KCNMA1: variants seen among roughly 807,000 people sequenced by gnomAD.
KCNMA1 encodes the protein Calcium-activated potassium channel subunit alpha-1.
KCNMA1 carries 29 observed loss-of-function variants against 140.0 expected under a neutral mutation model. That is an observed-to-expected ratio of 0.21 (90% confidence interval 0.15 to 0.28). KCNMA1 has a LOEUF of 0.28. Among genes scored for constraint, KCNMA1 ranks in the 10% least tolerant of loss-of-function variants. The probability of loss-of-function intolerance (pLI) is 1.00; values close to 1 mark genes in which losing one functional copy is unlikely to be tolerated. For missense variants in KCNMA1, 880 were observed against 1,602.2 expected (o/e 0.55, Z 7.70); for synonymous variants, 612 against 611.9 (o/e 1.00, Z 0.00).
chr10:77,494,588 C>G lies in KCNMA1; in HGVS notation c.379-90565G>C, dbSNP rs143172126. Among the ~76,000 whole-genome samples, 35 of 152,324 alleles carry G rather than the reference C, an allele frequency of 2.3e-4. 2 individuals are homozygous for G. The East Asian group carries it at 6.6e-3, about 29-fold the overall frequency. ...ACCTTTCACCACCCAGATGGGGAGG[C>G]CTTGCCAACCCTGAGCCCCTCAGGG... On this transcript the variant is annotated intron_variant, in intron 1 of 27. Transcript: ENST00000286628.
chr10:77,542,477 C>A (rs1274373653), intron 1 of KCNMA1, among the ~76,000 whole-genome samples: 2 of 152,194 alleles, frequency 1.3e-5, no homozygotes, highest in African/African-American at 4.8e-5. Context: ...CCAGACTTGG[C>A]TGATTGTTAG....
intron 14 of KCNMA1, among the ~76,000 whole-genome samples, chr10:77,067,557 T>C (rs1187619453): frequency 1.3e-5 from 2 of 152,204 alleles, no homozygotes; most frequent in Non-Finnish European, 2.9e-5. Context: ...AACCCTAATA[T>C]ACTTACTTTG....
chr10:77,001,646 A>G (rs1411844750), intron 18 of KCNMA1, 66 bp from the exon 19 acceptor site: 6 of 1,355,918 alleles, frequency 4.4e-6, no homozygotes, highest in African/African-American at 1.4e-5. Context: ...CACACACAGC[A>G]AGGCAGCTGG....
intron 16 of KCNMA1, chr10:77,019,543 T>C: frequency 4.9e-6 from 1 of 205,840 alleles, no homozygotes; most frequent in Non-Finnish European, 9.9e-6. Flanking sequence ...CCCCTATAGA[T>C]ATACATAAAC....
intron 3 of KCNMA1, among the ~76,000 whole-genome samples, chr10:77,222,056 G>A (rs1340017713): frequency 6.6e-6 from 1 of 152,158 alleles, no homozygotes; most frequent in South Asian, 2.1e-4. Context: ...AATAATACGA[G>A]AAAGCACAAA....
intron 1 of KCNMA1, among the ~76,000 whole-genome samples, chr10:77,607,074 T>G (rs2084823964): frequency 1.3e-5 from 2 of 152,088 alleles, no homozygotes; most frequent in African/African-American, 4.8e-5. Flanking sequence ...TGTCAACTAC[T>G]CACAAGGATT....
intron 1 of KCNMA1, among the ~76,000 whole-genome samples, chr10:77,627,259 G>A (rs1045816423): frequency 1.3e-5 from 2 of 152,110 alleles, no homozygotes; most frequent in Non-Finnish European, 2.9e-5. Context: ...CCTAACAAAG[G>A]CTCTGTACCC....
chr10:77,372,049 C>T (rs182711397), intron 2 of KCNMA1, among the ~76,000 whole-genome samples: 1 of 152,310 alleles, frequency 6.6e-6, no homozygotes, highest in East Asian at 1.9e-4. Flanking sequence ...CTTGAGTTCA[C>T]ATTTGTTTGC....
In KCNMA1 at chr10:77,187,591, G is replaced by A. The variant is rs112496305; in HGVS notation, c.603-2675C>T. 4.6e-4 allele frequency among the ~76,000 whole-genome samples: 70 copies of A among 152,340 alleles called. 1 individual carries two copies. Among genetic ancestry groups the A allele is most frequent in the African/African-American group, 1.6e-3 (66 of 41,578 alleles). On this transcript the variant is annotated intron_variant, in intron 3 of 27. Transcript: ENST00000286628. ...AGTAAATGATGCCGCTGGCGCGGGT[G>A]GCTTTTCCTCTGGCTGGAGCTGGCA... is the stretch of plus-strand genomic sequence containing the variant.
At chr10:77,553,372 CA>C (rs1302158533) in intron 1 of KCNMA1, among the ~76,000 whole-genome samples, 11 of 152,200 alleles carry the variant, frequency 7.2e-5, no homozygotes, top group African/African-American at 1.9e-4. Context: ...CCTGCTGCAG[CA>C]AGGAAAGGGG....
At chr10:77,550,275 C>T (rs75666772) in intron 1 of KCNMA1, among the ~76,000 whole-genome samples, 1,546 of 152,296 alleles carry the variant, frequency 0.01, 26 homozygotes, top group African/African-American at 0.035. Context: ...CCTAGGAACT[C>T]CCATCTGATA....
intron 2 of KCNMA1, among the ~76,000 whole-genome samples, chr10:77,280,492 C>T (rs2068115743): frequency 6.6e-6 from 1 of 152,078 alleles, no homozygotes. Context: ...CTGTAAGTGT[C>T]TGTTCTTTTC....
chr10:77,203,830 C>G (rs2043189228), intron 3 of KCNMA1, among the ~76,000 whole-genome samples: 1 of 152,140 alleles, frequency 6.6e-6, no homozygotes, highest in African/African-American at 2.4e-5. Flanking sequence ...GGCGTGATGG[C>G]TCACACCTGT....
intron 18 of KCNMA1, among the ~76,000 whole-genome samples, chr10:77,009,608 T>G (rs2090196268): frequency 6.6e-6 from 1 of 152,164 alleles, no homozygotes; most frequent in Non-Finnish European, 1.5e-5. Context: ...AAAGGCTTCC[T>G]AATATAGGAC....
At chr10:77,068,109 C>T (rs1406864157) in intron 14 of KCNMA1, among the ~76,000 whole-genome samples, 3 of 152,106 alleles carry the variant, frequency 2.0e-5, no homozygotes, top group Non-Finnish European at 4.4e-5. Context: ...ATCACACATC[C>T]GCATGCAGGT....
At chr10:77,565,005 G>A in intron 1 of KCNMA1, among the ~76,000 whole-genome samples, 1 of 152,210 alleles carries the variant, frequency 6.6e-6, no homozygotes, top group Non-Finnish European at 1.5e-5. Context: ...GGAGGCAAGG[G>A]CAATGAGTCA....
At chr10:77,186,290 C>G (rs560482741) in intron 3 of KCNMA1, among the ~76,000 whole-genome samples, 1 of 148,478 alleles carries the variant, frequency 6.7e-6, no homozygotes, top group Non-Finnish European at 1.5e-5. Context: ...TCCAGACAAG[C>G]ATTAAGAGTA....
intron 1 of KCNMA1, among the ~76,000 whole-genome samples, chr10:77,437,472 T>G (rs969265475): frequency 6.6e-6 from 1 of 152,244 alleles, no homozygotes; most frequent in Non-Finnish European, 1.5e-5. Context: ...TGTCTTTTAA[T>G]GTTCTTATAT....
At chr10:77,049,432 G>A (rs185565342) in intron 14 of KCNMA1, among the ~76,000 whole-genome samples, 1 of 152,280 alleles carries the variant, frequency 6.6e-6, no homozygotes, top group East Asian at 1.9e-4. Flanking sequence ...CTCCATGTGT[G>A]GTGATTAGCA....
Sources: gnomAD v4.1 joint callset for allele counts (sites outside exome capture counted in the v4.1 genomes callset) on GRCh38, gnomAD v4.1.1 for gene constraint, MANE v1.5 for transcripts, NCBI Gene and HGNC (gene_info 2026-07-23, HGNC 2026-07-21) for gene names.